The following PI4K2B variants were observed in gnomAD, a reference collection of about 807,000 sequenced individuals.
PI4K2B encodes the protein phosphatidylinositol 4-kinase type 2-beta.
A neutral mutation model predicts 56.6 loss-of-function variants in PI4K2B; 46 were observed. That is an observed-to-expected ratio of 0.81 (90% CI 0.64 to 1.04). The LOEUF is 1.04. Ranked by LOEUF, PI4K2B falls within the 50% of genes least tolerant of loss-of-function variation. PI4K2B has a pLI of 0.00. For synonymous variants in PI4K2B, 211 were observed against 223.8 expected (o/e 0.94, Z 0.51); for missense variants, 556 against 607.7 (o/e 0.91, Z 0.89).
Position 25,234,277 on chromosome 4 carries a change from G to A in PI4K2B, c.114G>A (p.Pro38=), listed in dbSNP as rs1161121529. 5 of 1,421,376 alleles carry A rather than the reference G, an allele frequency of 3.5e-6. No homozygotes were observed. The East Asian group carries it at 1.2e-4, about 35-fold the overall frequency. 88.0% of individuals were successfully genotyped at this position (1,421,376 alleles called of 1,614,324 possible). Residue 38 remains proline (P), a synonymous_variant, in exon 1 of 10, where the codon CCG becomes CCA. Transcript: ENST00000264864. ...PLLPRIAWAH[P]RRGAPGSAVR... ...TACCGCGGATCGCCTGGGCCCACCC[G>A]CGGAGAGGCGCCCCAGGCAGCGCCG... is the stretch of plus-strand genomic sequence containing the variant.
At chr4:25,246,364 T>C (rs988617459) in intron 1 of PI4K2B, among the ~76,000 whole-genome samples, 2 of 152,166 alleles carry the variant, frequency 1.3e-5, no homozygotes, top group African/African-American at 2.4e-5. Context: ...AGGGTGCTGA[T>C]TGGTGCGTTT....
intron 4 of PI4K2B, among the ~76,000 whole-genome samples, chr4:25,257,473 T>TA (rs1301892751): frequency 1.3e-5 from 2 of 152,158 alleles, no homozygotes; most frequent in African/African-American, 4.8e-5. Context: ...TGGTACATAG[T>TA]AAAGGTTAAG....
chr4:25,255,398 G>A, intron 3 of PI4K2B, 133 bp downstream of exon 3: 2 of 681,936 alleles, frequency 2.9e-6, no homozygotes, highest in South Asian at 1.8e-5. Context: ...AGAGTCATGA[G>A]TGACTGGTAA....
At chr4:25,251,846 G>A (rs1285235450) in intron 1 of PI4K2B, among the ~76,000 whole-genome samples, 1 of 150,230 alleles carries the variant, frequency 6.7e-6, no homozygotes, top group Admixed American at 6.6e-5. Flanking sequence ...TTATTTGGAC[G>A]GTGTCTCGCT....
In PI4K2B at chr4:25,256,810, G is replaced by A. The variant is rs1716279081; in HGVS notation, c.756+136G>A. 3.8e-6 allele frequency: 3 copies of A among 785,132 alleles called. No homozygotes were observed. The East Asian group carries it at 7.9e-5, about 21-fold the overall frequency. The allele number at this position is 785,132 out of a possible 1,614,324, so 48.6% of individuals were successfully genotyped here. A position where few individuals can be genotyped will look rare whatever the true frequency, so the allele number is the denominator to read the frequency against. ...ATCTTCCAGGAGCTTATAGTAAACA[G>A]GTAATTTTAGTGTAATATAAAGCTG... On this transcript the variant is annotated intron_variant, in intron 4 of 9. Transcript: ENST00000264864.
chr4:25,273,366 T>A (rs779929991), intron 9 of PI4K2B, among the ~76,000 whole-genome samples: 1 of 152,168 alleles, frequency 6.6e-6, no homozygotes, highest in Non-Finnish European at 1.5e-5. Flanking sequence ...TCTGAAAACA[T>A]AATGAACTTA....
At chr4:25,255,299 T>A in intron 3 of PI4K2B, 34 bp downstream of exon 3, 1 of 1,518,340 alleles carries the variant, frequency 6.6e-7, no homozygotes, top group Non-Finnish European at 9.1e-7. Context: ...CATGGACTTT[T>A]AATTTACAAC....
At chr4:25,240,710 A>T (rs1399735579) in intron 1 of PI4K2B, among the ~76,000 whole-genome samples, 7 of 152,156 alleles carry the variant, frequency 4.6e-5, no homozygotes, top group African/African-American at 1.7e-4. Context: ...GGAATAGGGT[A>T]TGCTGTTTTT....
chr4:25,234,124 CTCTGATCTGG>C lies in PI4K2B; in HGVS notation c.-36_-27del. On this transcript the variant is annotated 5_prime_UTR_variant, in exon 1 of 10. An upstream open reading frame in the 5' UTR loses its in-frame stop. Transcript: ENST00000264864. ...GAGCCCAGTCTCTGGCACCTGGCTG[CTCTGATCTGG>C]TCTCAGCGCGGAGGGAGCAGAGGGA... 7.8e-7 allele frequency: 1 copy of C among 1,287,178 alleles called. No homozygotes were observed. Among genetic ancestry groups the C allele is most frequent in the East Asian group, 3.1e-5 (1 of 32,014 alleles). 79.7% of individuals were successfully genotyped at this position (1,287,178 alleles called of 1,614,324 possible).
intron 1 of PI4K2B, among the ~76,000 whole-genome samples, chr4:25,245,436 C>T (rs867942145): frequency 6.6e-6 from 1 of 152,036 alleles, no homozygotes; most frequent in Non-Finnish European, 1.5e-5. Flanking sequence ...CGCTCATGGC[C>T]GCAGGGTCAA....
chr4:25,256,338 T>A (rs1716264198), intron 3 of PI4K2B, among the ~76,000 whole-genome samples: 1 of 152,254 alleles, frequency 6.6e-6, no homozygotes, highest in Admixed American at 6.5e-5. Flanking sequence ...AAAAGGCTTT[T>A]ATACCACTCT....
Position 25,272,328 on chromosome 4 carries a change from TAGG to T in PI4K2B, c.1272+3128_1272+3130del, listed in dbSNP as rs561089313. On this transcript the variant is annotated intron_variant, in intron 9 of 9. Transcript: ENST00000264864. ...TATGAAGATGACAGGGTCAACAACT[TAGG>T]AGAGAAAGAAATAAAATGATGATAC... 6.6e-4 allele frequency among the ~76,000 whole-genome samples: 101 copies of T among 152,218 alleles called. 1 individual carries two copies. Among genetic ancestry groups the T allele is most frequent in the African/African-American group, 2.4e-3 (98 of 41,540 alleles).
chr4:25,234,495 G>C, intron 1 of PI4K2B, 64 bp downstream of exon 1: 1 of 1,133,504 alleles, frequency 8.8e-7, no homozygotes, highest in Non-Finnish European at 1.1e-6. Flanking sequence ...CGCCCGGCTC[G>C]GTCCTGTCTC....
intron 1 of PI4K2B, among the ~76,000 whole-genome samples, chr4:25,243,365 A>G (rs1715619288): frequency 6.6e-6 from 1 of 152,174 alleles, no homozygotes; most frequent in South Asian, 2.1e-4. Context: ...TCTTTTTTAA[A>G]GCATCCTAGT....
intron 1 of PI4K2B, among the ~76,000 whole-genome samples, chr4:25,246,206 T>G (rs924084934): frequency 6.6e-6 from 1 of 152,012 alleles, no homozygotes; most frequent in Non-Finnish European, 1.5e-5. Flanking sequence ...TTCCACAGTG[T>G]GGAAGGGGAC....
chr4:25,272,343 T>C lies in PI4K2B; in HGVS notation c.1272+3140T>C, dbSNP rs909685173. Among the ~76,000 whole-genome samples, 3 of 152,172 alleles carry C rather than the reference T, an allele frequency of 2.0e-5. No homozygotes were observed. The South Asian group carries it at 6.2e-4, about 31-fold the overall frequency. On this transcript the variant is annotated intron_variant, in intron 9 of 9. Coordinates refer to ENST00000264864, the MANE Select transcript of PI4K2B (RefSeq NM_018323.4). Reference sequence around the variant, plus strand: ...GTCAACAACTTAGGAGAGAAAGAAATAAAATGATGATACTTTGGTTATTAT... The same window carrying C: ...GTCAACAACTTAGGAGAGAAAGAAACAAAATGATGATACTTTGGTTATTAT...
chr4:25,257,439 A>G (rs918473524), intron 4 of PI4K2B, among the ~76,000 whole-genome samples: 15 of 152,182 alleles, frequency 9.9e-5, no homozygotes, highest in African/African-American at 3.6e-4. Flanking sequence ...TGAGGAGAAA[A>G]CTAAGAAATT....
chr4:25,276,641 A>C, intron 9 of PI4K2B: 2 of 983,752 alleles, frequency 2.0e-6, no homozygotes, highest in Non-Finnish European at 2.4e-6. Context: ...AGTTAAAACC[A>C]GACTGTTTAA....
At chr4:25,276,867 TA>T in intron 9 of PI4K2B, 146 bp from the exon 10 acceptor site, 7 of 1,339,604 alleles carry the variant, frequency 5.2e-6, no homozygotes, top group Non-Finnish European at 6.8e-6. Flanking sequence ...ATATAATACA[TA>T]TTTATAACAG....
Sources: allele counts gnomAD v4.1 joint callset (sites outside exome capture counted in the v4.1 genomes callset), GRCh38; gene constraint gnomAD v4.1.1; transcripts MANE v1.5; gene names NCBI Gene and HGNC (gene_info 2026-07-23, HGNC 2026-07-21).